PARS2: variants seen among roughly 807,000 people sequenced by gnomAD.
PARS2 encodes probable proline--tRNA ligase, mitochondrial.
PARS2 carries 20 observed loss-of-function variants against 27.4 expected under a neutral mutation model. The ratio of observed to expected loss-of-function variants is 0.73; its 90% CI spans 0.51 to 1.06. The LOEUF (loss-of-function observed/expected upper bound fraction) is 1.06, where lower values mean the gene tolerates loss of function less well. Among genes scored for constraint, PARS2 ranks in the 50% least tolerant of loss-of-function variants. The pLI is 0.00. For synonymous variants in PARS2, 240 were observed against 247.1 expected, an observed-to-expected ratio of 0.97 and a Z score of 0.27; for missense variants, 585 against 602.1, an observed-to-expected ratio of 0.97 and a Z score of 0.30.
chr1:54,763,285 G>A (rs2101414157), intron 1 of PARS2, among the ~76,000 whole-genome samples: 1 of 152,246 alleles, frequency 6.6e-6, no homozygotes, highest in East Asian at 1.9e-4. Flanking sequence ...GAACTATTGT[G>A]TGCCAGGCAT....
At chr1:54,759,414 AT>A (rs1557763296) in intron 1 of PARS2, among the ~76,000 whole-genome samples, 1 of 152,192 alleles carries the variant, frequency 6.6e-6, no homozygotes, top group African/African-American at 2.4e-5. Flanking sequence ...CATTAACAAC[AT>A]CCTGTGGAGA....
In PARS2 at chr1:54,759,145, G is replaced by A; in HGVS notation, c.17C>T (p.Thr6Ile). 6.3e-7 allele frequency: 1 copy of A among 1,592,274 alleles called. No individual in the cohort carries two copies. The highest frequency in any genetic ancestry group is 8.6e-7 in the Non-Finnish European group (1 of 1,165,014). ...CAGGGCGGGCAATGCTCTGCATCTTGTCAGCAGCCCTTCCATGACACCCTG... is the reference window on the plus strand; with the variant it reads ...CAGGGCGGGCAATGCTCTGCATCTTATCAGCAGCCCTTCCATGACACCCTG... MEGLL[T>I]RCRALPALAT... The change falls in exon 2 of 2, where the codon ACA becomes ATA. Residue 6 changes from threonine to isoleucine, a missense_variant. Transcript: ENST00000371279.
In PARS2 at chr1:54,758,003, AG is replaced by A. The variant is rs1348642091; in HGVS notation, c.1158del (p.Ser387ProfsTer4). 1.2e-6 allele frequency: 2 copies of A among 1,614,108 alleles called. No homozygotes were observed. Among genetic ancestry groups the A allele is most frequent in the Non-Finnish European group, 8.5e-7 (1 of 1,180,014 alleles). ...PPKKGSKEQA[A>X]SELIGQLYDH... Reference sequence around the variant, plus strand: ...TCGTACAGCTGCCCTATGAGCTCGGAGGCCGCCTGCTCCTTACTGCCCTTCT... The same window carrying A: ...TCGTACAGCTGCCCTATGAGCTCGGAGCCGCCTGCTCCTTACTGCCCTTCT... On this transcript the variant is annotated frameshift_variant, in exon 2 of 2. Coordinates refer to ENST00000371279, the MANE Select transcript of PARS2 (RefSeq NM_152268.4). LOFTEE classifies it high-confidence loss of function.
chr1:54,758,386 A>C lies in PARS2; in HGVS notation c.776T>G (p.Phe259Cys), dbSNP rs1275680598. Residue 259 changes from phenylalanine (F) to cysteine (C), a missense_variant, in exon 2 of 2, where the codon TTC becomes TGC. Phe to Cys is a radical substitution (Grantham distance 205). Transcript: ENST00000371279. ...GTIGGTVSHE[F>C]QLPVDIGEDR... ...CTCTCCAATATCCACTGGGAGCTGG[A>C]ACTCATGAGACACTGTGCCCCCGAT... 1 of 1,614,042 alleles carries C rather than the reference A, an allele frequency of 6.2e-7. No homozygotes were observed. Among genetic ancestry groups the C allele is most frequent in the Non-Finnish European group, 8.5e-7 (1 of 1,180,040 alleles).
In PARS2 at chr1:54,763,523, G is replaced by A. The variant is rs1278327012; in HGVS notation, c.-30+938C>T. Among the ~76,000 whole-genome samples, 8 of 152,156 alleles carry A rather than the reference G, an allele frequency of 5.3e-5. No individual in the cohort carries two copies. The East Asian group carries it at 5.8e-4, about 11-fold the overall frequency. ...AATAAATTAAGAGCAAAGCAAACAG[G>A]TGCAATGATATAATTATCTGGATAA... On this transcript the variant is annotated intron_variant, in intron 1 of 1. Coordinates refer to ENST00000371279, the MANE Select transcript of PARS2 (RefSeq NM_152268.4).
intron 1 of PARS2, among the ~76,000 whole-genome samples, chr1:54,760,771 T>C (rs1180953): frequency 0.61 from 93,008 of 151,354 alleles, 29,109 homozygotes; most frequent in East Asian, 0.96. Context: ...GATCAGGCTT[T>C]GCCACGCCCA....
intron 1 of PARS2, among the ~76,000 whole-genome samples, chr1:54,760,627 T>C (rs762288742): frequency 1.1e-4 from 16 of 152,204 alleles, no homozygotes; most frequent in Non-Finnish European, 5.9e-5. Context: ...CAAGCACAGA[T>C]GCTAACAGCT....
At position 54,756,951 on chromosome 1, in the gene PARS2, C is replaced by T. The variant is rs887756390; in HGVS notation, c.*783G>A. ...TAGAACGGGATCTCAGTGGTTAAGC[C>T]GTCTTAACAGGGCCAGGTCTCTTGA... On this transcript the variant is annotated 3_prime_UTR_variant, in exon 2 of 2. Coordinates refer to ENST00000371279, the MANE Select transcript of PARS2 (RefSeq NM_152268.4). 4 of 152,078 alleles carry T rather than the reference C, an allele frequency of 2.6e-5. No individual in the cohort carries two copies. Among genetic ancestry groups the T allele is most frequent in the Middle Eastern group, 3.4e-3 (1 of 294 alleles). 9.4% of individuals were successfully genotyped at this position (152,078 alleles called of 1,614,324 possible).
In PARS2 at chr1:54,758,151, C is replaced by A. The variant is rs1388913071; in HGVS notation, c.1011G>T (p.Met337Ile). ...GTGTCACACCCAAGCCATAGCACCC[C>A]ATTTCAGCCAGGGTTGGTTTGCCAC... Reference protein sequence around the residue: ...NVCGKPTLAEMGCYGLGVTRI... With the variant: ...NVCGKPTLAEIGCYGLGVTRI... Residue 337 changes from methionine (M) to isoleucine (I), a missense_variant, in exon 2 of 2, where the codon ATG becomes ATT. Met to Ile is a conservative substitution (Grantham distance 10). Transcript: ENST00000371279. 6.2e-7 allele frequency: 1 copy of A among 1,614,236 alleles called. No homozygotes were observed. Among genetic ancestry groups the A allele is most frequent in the Non-Finnish European group, 8.5e-7 (1 of 1,180,044 alleles).
chr1:54,757,856 C>T lies in PARS2; in HGVS notation c.1306G>A (p.Ala436Thr), dbSNP rs975310267. The T allele has an allele frequency of 3.1e-6, 5 of 1,614,170 alleles. No individual in the cohort carries two copies. Among genetic ancestry groups the T allele is most frequent in the Admixed American group, 1.7e-5 (1 of 60,024 alleles). ...NKFGYPFVII[A>T]GKRALEDPAH... is the part of the protein sequence containing the mutation. ...GGGTCCTCCAGGGCCCTCTTGCCAG[C>T]GATTATCACAAAGGGGTAGCCAAAC... Residue 436 changes from alanine (A) to threonine (T), a missense_variant, in exon 2 of 2, where the codon GCT becomes ACT. Physicochemically the swap from Ala to Thr is moderately conservative, Grantham distance 58. Coordinates refer to ENST00000371279, the MANE Select transcript of PARS2 (RefSeq NM_152268.4).
At chr1:54,763,858 A>G (rs1646170408) in intron 1 of PARS2, among the ~76,000 whole-genome samples, 1 of 152,224 alleles carries the variant, frequency 6.6e-6, no homozygotes, top group South Asian at 2.1e-4. Context: ...ACCGTACCTG[A>G]TACATAATAT....
In PARS2 at chr1:54,758,322, G is replaced by GGCTGAGAA. The variant is rs765470047; in HGVS notation, c.832_839dup (p.Asn281SerfsTer8). On this transcript the variant is annotated frameshift_variant, in exon 2 of 2. Transcript: ENST00000371279. LOFTEE classifies it high-confidence loss of function. ...GTGACAAGTCTAGTGTCTCCATGTTGGCTGAGAAGCTGCAGCGGGGACAGA... is the reference window on the plus strand; with the variant it reads ...GTGACAAGTCTAGTGTCTCCATGTTGGCTGAGAAGCTGAGAAGCTGCAGCGGGGACAGA... 2.5e-6 allele frequency: 4 copies of GGCTGAGAA among 1,614,068 alleles called. No individual in the cohort carries two copies. In the East Asian group the frequency reaches 8.9e-5, roughly 36 times the overall value.
chr1:54,761,323 G>A (rs562321411), intron 1 of PARS2, among the ~76,000 whole-genome samples: 5 of 152,318 alleles, frequency 3.3e-5, no homozygotes, highest in Middle Eastern at 3.4e-3. Flanking sequence ...GCAAGGACCT[G>A]TCTAGCTTGC....
chr1:54,759,243 T>A, intron 1 of PARS2, 53 bp from the exon 2 acceptor site: 1 of 1,166,352 alleles, frequency 8.6e-7, no homozygotes, highest in Non-Finnish European at 1.2e-6. Flanking sequence ...TCCAACACCA[T>A]GAAGCAGCCA....
chr1:54,759,638 C>T (rs987492556), intron 1 of PARS2, among the ~76,000 whole-genome samples: 1 of 152,158 alleles, frequency 6.6e-6, no homozygotes. Flanking sequence ...GGAACAGTAT[C>T]TGGCATGTAC....
chr1:54,761,861 G>A (rs930891172), intron 1 of PARS2, among the ~76,000 whole-genome samples: 10 of 152,212 alleles, frequency 6.6e-5, no homozygotes, highest in South Asian at 2.1e-4. Flanking sequence ...TTGTAGGAAC[G>A]TACGGGCCAT....
At chr1:54,759,230 T>A in intron 1 of PARS2, 40 bp from the exon 2 acceptor site, 1 of 1,300,474 alleles carries the variant, frequency 7.7e-7, no homozygotes, top group Non-Finnish European at 1.0e-6. Context: ...GCCTCATCCG[T>A]GTTCCAACAC....
In PARS2 at chr1:54,759,343, A is replaced by G. The variant is rs115011613; in HGVS notation, c.-29-153T>C. Reference sequence around the variant, plus strand: ...TTCTAATATCCTAGCAGATCAAAGCACTATTTCTCTAACCTCTTACTTCCG... The same window carrying G: ...TTCTAATATCCTAGCAGATCAAAGCGCTATTTCTCTAACCTCTTACTTCCG... On this transcript the variant is annotated intron_variant, in intron 1 of 1. Transcript: ENST00000371279. Among the ~76,000 whole-genome samples, 1,156 of 152,338 alleles carry G rather than the reference A, an allele frequency of 7.6e-3. 18 individuals carry two copies. The highest frequency in any genetic ancestry group is 0.027 in the African/African-American group (1,107 of 41,570).
chr1:54,762,561 C>T (rs936478818), intron 1 of PARS2, among the ~76,000 whole-genome samples: 32 of 152,178 alleles, frequency 2.1e-4, no homozygotes, highest in African/African-American at 4.8e-5. Flanking sequence ...TGCTGCTGGT[C>T]CAGGGACCCC....
Sources: gnomAD v4.1 joint callset for allele counts (sites outside exome capture counted in the v4.1 genomes callset) on GRCh38, gnomAD v4.1.1 for gene constraint, MANE v1.5 for transcripts, NCBI Gene and HGNC (gene_info 2026-07-23, HGNC 2026-07-21) for gene names.